TRMU: variants seen among roughly 807,000 people sequenced by gnomAD.
TRMU encodes mitochondrial tRNA-specific 2-thiouridylase 1.
In TRMU, 49 loss-of-function variants were observed where a neutral mutation model predicts 46.9. That is an observed-to-expected ratio of 1.05 (90% CI 0.83 to 1.33). The LOEUF (loss-of-function observed/expected upper bound fraction) is 1.33. Ranked by LOEUF, TRMU falls within the 40% of genes most tolerant of loss-of-function variation. The pLI, the probability that TRMU is intolerant of heterozygous loss-of-function variation, is 0.00. For missense variants in TRMU, 572 were observed against 532.4 expected, an observed-to-expected ratio of 1.07 and a Z score of -0.73; for synonymous variants, 241 against 200.9, an observed-to-expected ratio of 1.20 and a Z score of -1.69.
chr22:46,356,411 T>C, intron 10 of TRMU: 2 of 435,194 alleles, frequency 4.6e-6, no homozygotes, highest in Non-Finnish European at 8.5e-6. Context: ...GGGCCGAGTG[T>C]GCAGGAGCTC....
Position 46,351,848 on chromosome 22 carries a change from T to G in TRMU, c.652-273T>G. The G allele has an allele frequency of 5.5e-6, 3 of 543,538 alleles. No homozygotes were observed. The highest frequency in any genetic ancestry group is 6.6e-5 in the East Asian group (2 of 30,142). The allele number at this position is 543,538 out of a possible 1,614,324, so 33.7% of individuals were successfully genotyped here. On this transcript the variant is annotated intron_variant, in intron 5 of 10. Coordinates refer to ENST00000645190, the MANE Select transcript of TRMU (RefSeq NM_018006.5). This position sits in a 1 kb window ranked among gnomAD's most constrained non-coding sequence, Gnocchi z 6.4. ...CAGTGGCCTGAAGGACCTGACCGGG[T>G]TCTGCTTTCTTCCCCGGGGCAGCTG...
chr22:46,336,097 C>T lies in TRMU; in HGVS notation c.82+251C>T. 7.3e-7 allele frequency: 1 copy of T among 1,367,300 alleles called. No homozygotes were observed. Among genetic ancestry groups the T allele is most frequent in the African/African-American group, 1.5e-5 (1 of 65,144 alleles). The allele number at this position is 1,367,300 out of a possible 1,614,324, so 84.7% of individuals were successfully genotyped here. The stretch of plus-strand genomic sequence containing the variant: ...CCGCGCCCCTCTCCACCCACGCGCG[C>T]CCACCCACAGTGAGAAGCCGGCGGG... On this transcript the variant is annotated intron_variant, in intron 1 of 10. Transcript: ENST00000645190. This position sits in a 1 kb window ranked among gnomAD's most constrained non-coding sequence, Gnocchi z 4.1.
intron 7 of TRMU, chr22:46,353,299 G>C (rs2078492861): frequency 1.4e-5 from 3 of 216,730 alleles, no homozygotes; most frequent in Non-Finnish European, 2.8e-5. Flanking sequence ...CCCCACTGCA[G>C]GGGAGGGAGG....
rs2078364964 is a variant in TRMU, at chr22:46,349,983, T to G, written c.479-308T>G. Among the ~76,000 whole-genome samples the G allele has an allele frequency of 6.6e-6, 1 of 151,864 alleles. No individual in the cohort carries two copies. Among genetic ancestry groups the G allele is most frequent in the Admixed American group, 6.6e-5 (1 of 15,254 alleles). On this transcript the variant is annotated intron_variant, in intron 4 of 10. Coordinates refer to ENST00000645190, the MANE Select transcript of TRMU (RefSeq NM_018006.5). The surrounding 1 kb of genome is among the most constrained non-coding windows in gnomAD (Gnocchi z 4.6). Reference sequence around the variant, plus strand: ...TTTGGCTGAATTTATTTTAGGTGTTTTTTTTTTTTTTTCTTATCACTTGAG... The same window carrying G: ...TTTGGCTGAATTTATTTTAGGTGTTGTTTTTTTTTTTTCTTATCACTTGAG...
rs552228233 is a variant in TRMU at position 46,352,486 on chromosome 22, T to C, written c.772+156T>C. The stretch of plus-strand genomic sequence containing the variant: ...GGCCGGGGGCGGGCACGGCCTAGGG[T>C]GGAACAGTTGCCTTGATGGTGGCTG... On this transcript the variant is annotated intron_variant, in intron 7 of 10. Coordinates refer to ENST00000645190, the MANE Select transcript of TRMU (RefSeq NM_018006.5). 38 of 788,874 alleles carry C rather than the reference T, an allele frequency of 4.8e-5. No homozygotes were observed. The South Asian group carries it at 5.5e-4, about 11-fold the overall frequency. 48.9% of individuals were successfully genotyped at this position (788,874 alleles called of 1,614,324 possible).
Position 46,351,468 on chromosome 22 carries a change from T to C in TRMU, c.652-653T>C, listed in dbSNP as rs2078421857. Among the ~76,000 whole-genome samples, 1 of 152,080 alleles carries C rather than the reference T, an allele frequency of 6.6e-6. No homozygotes were observed. On this transcript the variant is annotated intron_variant, in intron 5 of 10. Transcript: ENST00000645190. The surrounding 1 kb of genome is among the most constrained non-coding windows in gnomAD (Gnocchi z 6.4). ...GCTGTTGCTCCTTCGTGTCTCTTCC[T>C]GGTAATGGAAACGGCCATACCTTTC...
At chr22:46,340,488 C>T (rs1397529258) in intron 2 of TRMU, among the ~76,000 whole-genome samples, 1 of 152,100 alleles carries the variant, frequency 6.6e-6, no homozygotes, top group African/African-American at 2.4e-5. Context: ...GGAAGAGTGA[C>T]TTGAATAGTA....
At position 46,342,126 on chromosome 22, in the gene TRMU, G is replaced by A. The variant is rs1331208801; in HGVS notation, c.249-1136G>A. Among the ~76,000 whole-genome samples, 1 of 152,172 alleles carries A rather than the reference G, an allele frequency of 6.6e-6. No homozygotes were observed. Among genetic ancestry groups the A allele is most frequent in the East Asian group, 1.9e-4 (1 of 5,192 alleles). ...ATAGTGCTGGATCCCAAAGGTTGGG[G>A]GTTCAGTCCCCCAGACGGACTCCCC... On this transcript the variant is annotated intron_variant, in intron 2 of 10. Transcript: ENST00000645190. The surrounding 1 kb of genome is among the most constrained non-coding windows in gnomAD (Gnocchi z 4.7).
At position 46,348,751 on chromosome 22, in the gene TRMU, C is replaced by T. The variant is rs1043347368; in HGVS notation, c.479-1540C>T. 2.6e-5 allele frequency among the ~76,000 whole-genome samples: 4 copies of T among 152,190 alleles called. No homozygotes were observed. The highest frequency in any genetic ancestry group is 4.4e-5 in the Non-Finnish European group (3 of 68,040). ...AGATTTTTAGTTTGTTTTAAAATGA[C>T]GCAGAACTAGGAGAAAATGCAAATG... is the stretch of plus-strand genomic sequence containing the variant. On this transcript the variant is annotated intron_variant, in intron 4 of 10. Coordinates refer to ENST00000645190, the MANE Select transcript of TRMU (RefSeq NM_018006.5). The surrounding 1 kb of genome is among the most constrained non-coding windows in gnomAD (Gnocchi z 4.8).
rs112946940 is a variant in TRMU at position 46,356,687 on chromosome 22, TCAGCAG to T, written c.1102-140_1102-135del. The stretch of plus-strand genomic sequence containing the variant: ...GTGCCCCAGGCCTCTCCTCTCCTGT[TCAGCAG>T]CAGCAGCAGCAGCAAAACCCTGCTC... On this transcript the variant is annotated intron_variant, in intron 10 of 10. Transcript: ENST00000645190. 1.1e-3 allele frequency: 1,015 copies of T among 896,688 alleles called. 5 individuals are homozygous for T. Among genetic ancestry groups the T allele is most frequent in the South Asian group, 5.2e-3 (324 of 62,818 alleles). 55.5% of individuals were successfully genotyped at this position (896,688 alleles called of 1,614,324 possible).
intron 3 of TRMU, 91 bp downstream of exon 3, chr22:46,343,459 C>T (rs1183223510): frequency 5.2e-6 from 5 of 965,528 alleles, no homozygotes; most frequent in Non-Finnish European, 6.5e-6. Context: ...GATCATGACT[C>T]ACTGCAGCCT....
At chr22:46,356,406 G>A (rs909397604) in intron 10 of TRMU, 16 of 438,708 alleles carry the variant, frequency 3.6e-5, no homozygotes, top group Admixed American at 3.1e-4. Context: ...CCTGTGGGCC[G>A]AGTGTGCAGG....
At chr22:46,341,717 G>A (rs968819934) in intron 2 of TRMU, among the ~76,000 whole-genome samples, 3 of 152,150 alleles carry the variant, frequency 2.0e-5, no homozygotes, top group African/African-American at 7.2e-5. Context: ...TGAAATTCTT[G>A]GTAAGTTTTG....
rs2078430485 is a variant in TRMU at position 46,351,689 on chromosome 22, G to A, written c.652-432G>A. ...ACGCCACCCAGGCTCCCCAGCTAGG[G>A]CAGATGTGCTTGAGGAAGGCGCCTC... On this transcript the variant is annotated intron_variant, in intron 5 of 10. Coordinates refer to ENST00000645190, the MANE Select transcript of TRMU (RefSeq NM_018006.5). This position sits in a 1 kb window ranked among gnomAD's most constrained non-coding sequence, Gnocchi z 6.4. The A allele has an allele frequency of 6.3e-6, 2 of 317,198 alleles. No homozygotes were observed. The highest frequency in any genetic ancestry group is 4.3e-5 in the Admixed American group (1 of 23,118). The allele number at this position is 317,198 out of a possible 1,614,324, so 19.6% of individuals were successfully genotyped here. A position where few individuals can be genotyped will look rare whatever the true frequency, so the allele number is the denominator to read the frequency against.
At position 46,339,580 on chromosome 22, in the gene TRMU, G is replaced by A. The variant is rs1423516168; in HGVS notation, c.248+1636G>A. On this transcript the variant is annotated intron_variant, in intron 2 of 10. Transcript: ENST00000645190. The surrounding 1 kb of genome is among the most constrained non-coding windows in gnomAD (Gnocchi z 4.8). ...CTACACATCGGGTACAATGTCCACT[G>A]CTTGGGTGACGGGTACACCAAAATC... is the stretch of plus-strand genomic sequence containing the variant. 6.6e-6 allele frequency among the ~76,000 whole-genome samples: 1 copy of A among 152,220 alleles called. No individual in the cohort carries two copies. Among genetic ancestry groups the A allele is most frequent in the Non-Finnish European group, 1.5e-5 (1 of 68,036 alleles).
chr22:46,352,531 C>A, intron 7 of TRMU: 1 of 648,562 alleles, frequency 1.5e-6, no homozygotes, highest in South Asian at 1.7e-5. Flanking sequence ...CCAGATGTGG[C>A]CTCAGCTGAG....
rs60442598 is a variant in TRMU, at chr22:46,349,880, GGTT to G, written c.479-406_479-404del. 5.8e-4 allele frequency among the ~76,000 whole-genome samples: 89 copies of G among 152,290 alleles called. No homozygotes were observed. Among genetic ancestry groups the G allele is most frequent in the African/African-American group, 2.1e-3 (87 of 41,554 alleles). On this transcript the variant is annotated intron_variant, in intron 4 of 10. Transcript: ENST00000645190. This position sits in a 1 kb window ranked among gnomAD's most constrained non-coding sequence, Gnocchi z 4.6. ...CCACTGTGGCACGAACACATCCTGT[GGTT>G]GTTGGAAGAAGGCACAGCTGACACT...
chr22:46,341,616 A>G (rs1464225142), intron 2 of TRMU, among the ~76,000 whole-genome samples: 1 of 152,186 alleles, frequency 6.6e-6, no homozygotes, highest in African/African-American at 2.4e-5. Flanking sequence ...TTTAGGTTAA[A>G]TGAAAAAAAT....
At chr22:46,346,260 G>A (rs6008768) in intron 3 of TRMU, among the ~76,000 whole-genome samples, 162 bp from the exon 4 acceptor site, 40 of 152,230 alleles carry the variant, frequency 2.6e-4, no homozygotes, top group Admixed American at 1.1e-3. Flanking sequence ...GGATGTGTGC[G>A]TCTGTTCCCT....
Sources: allele counts gnomAD v4.1 joint callset (sites outside exome capture counted in the v4.1 genomes callset), GRCh38; gene constraint gnomAD v4.1.1; non-coding constraint Gnocchi (gnomAD v3.1); transcripts MANE v1.5; gene names NCBI Gene and HGNC (gene_info 2026-07-23, HGNC 2026-07-21).